FREM2: variants seen among roughly 807,000 people sequenced by gnomAD.
FREM2 encodes FRAS1-related extracellular matrix protein 2.
Under a neutral mutation model 219.9 loss-of-function variants are expected in FREM2, and 119 were observed. The observed-to-expected ratio is 0.54, with a 90% CI of 0.47 to 0.63. The LOEUF (loss-of-function observed/expected upper bound fraction) is 0.63, where lower values mean the gene tolerates loss of function less well. FREM2 is among the 30% of genes least tolerant of loss of function. FREM2 has a pLI of 0.00. For synonymous variants in FREM2, 1,562 were observed against 1,522.8 expected (o/e 1.03, Z -0.60); for missense variants, 4,030 against 3,993.6 (o/e 1.01, Z -0.25).
rs1869685423 is a variant in FREM2 at position 38,689,300 on chromosome 13, G to A, written c.1956G>A (p.Arg652=). 1 of 1,614,100 alleles carries A rather than the reference G, an allele frequency of 6.2e-7. No homozygotes were observed. The highest frequency in any genetic ancestry group is 8.5e-7 in the Non-Finnish European group (1 of 1,180,004). The change falls in exon 1 of 24, where the codon AGG becomes AGA. Residue 652 remains arginine (R), a synonymous_variant. Transcript: ENST00000280481. The part of the protein sequence containing the change: ...EWQQQDITEG[R]LFYRHSGPHS... ...AGCAGCAGGACATAACAGAGGGCAG[G>A]CTGTTCTATAGACACTCTGGGCCCC...
intron 16 of FREM2, among the ~76,000 whole-genome samples, chr13:38,870,641 A>G (rs966076649): frequency 6.6e-6 from 1 of 152,172 alleles, no homozygotes; most frequent in African/African-American, 2.4e-5. Flanking sequence ...CCAGGTAGAG[A>G]TTCTAAGTAG....
chr13:38,772,569 T>A (rs865816007), intron 4 of FREM2, among the ~76,000 whole-genome samples: 1 of 152,202 alleles, frequency 6.6e-6, no homozygotes, highest in Admixed American at 6.5e-5. Flanking sequence ...ATTCAGTCCC[T>A]TGTAGACATA....
At chr13:38,856,056 AAAAAAAAAAAATAGAAAACTTCTC>A in intron 11 of FREM2, 46 bp from the exon 12 acceptor site, 1 of 1,115,900 alleles carries the variant, frequency 9.0e-7, no homozygotes, top group Non-Finnish European at 1.3e-6. Flanking sequence ...AAAAAAAAAA[AAAAAAAAAAAATAGAAAACTTCTC>A]ATATTCATAT....
At chr13:38,857,586 G>GA (rs375743767) in intron 12 of FREM2, among the ~76,000 whole-genome samples, 7 of 151,332 alleles carry the variant, frequency 4.6e-5, no homozygotes, top group African/African-American at 1.5e-4. Flanking sequence ...CACAACTGGA[G>GA]AAAAAAAAAT....
At chr13:38,815,062 T>C (rs1875711308) in intron 6 of FREM2, among the ~76,000 whole-genome samples, 1 of 152,152 alleles carries the variant, frequency 6.6e-6, no homozygotes, top group African/African-American at 2.4e-5. Context: ...TTCTACCCCA[T>C]TGTGGCAGAG....
In FREM2 at chr13:38,852,012, C is replaced by A. The variant is rs150777124; in HGVS notation, c.6925+144C>A. 132 of 737,810 alleles carry A rather than the reference C, an allele frequency of 1.8e-4. No homozygotes were observed. In the African/African-American group the frequency reaches 2.1e-3, roughly 12 times the overall value. 45.7% of individuals were successfully genotyped at this position (737,810 alleles called of 1,614,324 possible). A position where few individuals can be genotyped will look rare whatever the true frequency, so the allele number is the denominator to read the frequency against. Reference sequence around the variant, plus strand: ...TTAGGGGGTATAATTTTAAGGGGTACAAGTGCAATTTTGTTACATGGTTAT... The same window carrying A: ...TTAGGGGGTATAATTTTAAGGGGTAAAAGTGCAATTTTGTTACATGGTTAT... On this transcript the variant is annotated intron_variant, in intron 11 of 23. Transcript: ENST00000280481.
chr13:38,845,011 T>C (rs1877098671), intron 6 of FREM2, among the ~76,000 whole-genome samples: 2 of 152,192 alleles, frequency 1.3e-5, no homozygotes, highest in South Asian at 4.1e-4. Context: ...TCATGTGCCC[T>C]AGCACTGTCC....
intron 2 of FREM2, among the ~76,000 whole-genome samples, chr13:38,727,827 T>G (rs1159540947): frequency 6.6e-6 from 1 of 152,238 alleles, no homozygotes; most frequent in Non-Finnish European, 1.5e-5. Context: ...TTTTATCATA[T>G]GATATTAGTA....
chr13:38,796,193 A>C (rs1026886896), intron 6 of FREM2, among the ~76,000 whole-genome samples: 1 of 152,096 alleles, frequency 6.6e-6, no homozygotes, highest in Non-Finnish European at 1.5e-5. Context: ...TTGAGCCATC[A>C]CTGTTGGAGC....
intron 6 of FREM2, among the ~76,000 whole-genome samples, chr13:38,841,266 T>A (rs1876952471): frequency 6.6e-6 from 1 of 152,190 alleles, no homozygotes; most frequent in Admixed American, 6.5e-5. Context: ...ATACGCGGAT[T>A]GCTGACTCCA....
Position 38,709,278 on chromosome 13 carries a change from A to G in FREM2, c.5263+11491A>G, listed in dbSNP as rs539552339. 4.4e-4 allele frequency among the ~76,000 whole-genome samples: 67 copies of G among 152,216 alleles called. 1 individual carries two copies. In the Middle Eastern group the frequency reaches 0.014, roughly 31 times the overall value. The stretch of plus-strand genomic sequence containing the variant: ...TTTCTTCCTGACACCTTCTACTCCT[A>G]TCCTTAGGGTCAGACATCTCCGCTG... On this transcript the variant is annotated intron_variant, in intron 2 of 23. Coordinates refer to ENST00000280481, the MANE Select transcript of FREM2 (RefSeq NM_207361.6).
intron 2 of FREM2, among the ~76,000 whole-genome samples, chr13:38,743,604 G>A (rs926012965): frequency 3.3e-5 from 5 of 152,108 alleles, no homozygotes; most frequent in East Asian, 1.9e-4. Context: ...AGAAAGTCTT[G>A]TACTTCTCAA....
chr13:38,807,648 G>A (rs1875301679), intron 6 of FREM2, among the ~76,000 whole-genome samples: 1 of 151,838 alleles, frequency 6.6e-6, no homozygotes. Context: ...TAAGTGCATT[G>A]TAAATGGGAA....
chr13:38,722,824 A>C (rs1405556245), intron 2 of FREM2, among the ~76,000 whole-genome samples: 2 of 151,872 alleles, frequency 1.3e-5, no homozygotes, highest in African/African-American at 4.8e-5. Flanking sequence ...AATATCAAAC[A>C]TAAGATTTCA....
Position 38,688,739 on chromosome 13 carries a change from G to C in FREM2, c.1395G>C (p.Pro465=), listed in dbSNP as rs181720619. 1 of 1,613,922 alleles carries C rather than the reference G, an allele frequency of 6.2e-7. No homozygotes were observed. ...RPLTGPAGSG[P]QNLVISDEDD... ...TCACAGGCCCTGCAGGCAGTGGTCCGCAAAACTTGGTCATCAGCGATGAGG... is the reference window on the plus strand; with the variant it reads ...TCACAGGCCCTGCAGGCAGTGGTCCCCAAAACTTGGTCATCAGCGATGAGG... The change falls in exon 1 of 24, where the codon CCG becomes CCC. Residue 465 remains proline (P), a synonymous_variant. Coordinates refer to ENST00000280481, the MANE Select transcript of FREM2 (RefSeq NM_207361.6).
At chr13:38,855,353 A>C (rs1322586549) in intron 11 of FREM2, among the ~76,000 whole-genome samples, 1 of 152,214 alleles carries the variant, frequency 6.6e-6, no homozygotes, top group Non-Finnish European at 1.5e-5. Flanking sequence ...ACATATGTAC[A>C]TAATGTAAAT....
At chr13:38,703,062 T>G (rs1402257435) in intron 2 of FREM2, among the ~76,000 whole-genome samples, 1 of 152,140 alleles carries the variant, frequency 6.6e-6, no homozygotes, top group African/African-American at 2.4e-5. Flanking sequence ...GAATTGTTAT[T>G]CCGTATTTGA....
Position 38,764,356 on chromosome 13 carries a change from C to T in FREM2, c.5316C>T (p.Ser1772=). 1 of 1,609,404 alleles carries T rather than the reference C, an allele frequency of 6.2e-7. No homozygotes were observed. Among genetic ancestry groups the T allele is most frequent in the Admixed American group, 1.7e-5 (1 of 59,992 alleles). Residue 1772 remains serine (S), a synonymous_variant, in exon 3 of 24, where the codon TCC becomes TCT. Transcript: ENST00000280481. The part of the protein sequence containing the change: ...QNFRLNWAWI[S]FEKEYYLVNE... ...TTCGTCTGAATTGGGCATGGATCTC[C>T]TTTGAAAAGGAATATTACCTGGTCA...
At chr13:38,825,080 A>G (rs1235931783) in intron 6 of FREM2, among the ~76,000 whole-genome samples, 1 of 152,104 alleles carries the variant, frequency 6.6e-6, no homozygotes, top group Non-Finnish European at 1.5e-5. Context: ...TCTACCTCAT[A>G]GGGTTGTTAT....
Sources: allele counts gnomAD v4.1 joint callset (sites outside exome capture counted in the v4.1 genomes callset), GRCh38; gene constraint gnomAD v4.1.1; transcripts MANE v1.5; gene names NCBI Gene and HGNC (gene_info 2026-07-23, HGNC 2026-07-21).